Variants in MDN1 observed in about 807,000 individuals in gnomAD.
The protein encoded by MDN1 is midasin.
A neutral mutation model predicts 669.2 loss-of-function variants in MDN1; 266 were observed. That is an observed-to-expected ratio of 0.40 (90% CI 0.36 to 0.44). MDN1 has a LOEUF of 0.44. Among genes scored for constraint, MDN1 ranks in the 20% least tolerant of loss-of-function variants. The pLI is 1.00. For missense variants in MDN1, 5,940 were observed against 6,754.0 expected (o/e 0.88, Z 4.22); for synonymous variants, 2,385 against 2,457.1 (o/e 0.97, Z 0.87).
At chr6:89,748,625 A>C (rs772886792) in intron 26 of MDN1, among the ~76,000 whole-genome samples, 2 of 152,158 alleles carry the variant, frequency 1.3e-5, no homozygotes, top group Non-Finnish European at 2.9e-5. Flanking sequence ...GCCAAATTAC[A>C]TTCTAAACAA....
In MDN1 at chr6:89,677,034, A is replaced by AG. The variant is rs71785927; in HGVS notation, c.12539+535dup. 8.3e-3 allele frequency among the ~76,000 whole-genome samples: 1,246 copies of AG among 150,302 alleles called. 11 individuals carry two copies. Among genetic ancestry groups the AG allele is most frequent in the Non-Finnish European group, 0.014 (976 of 67,450 alleles). ...CAAAAGGCAAAAAAAAAAAAAAAAA[A>AG]GGGAAGAAGAAGAAGAATGGAGAGG... On this transcript the variant is annotated intron_variant, in intron 76 of 101. Coordinates refer to ENST00000369393, the MANE Select transcript of MDN1 (RefSeq NM_014611.3).
In MDN1 at chr6:89,650,167, T is replaced by G. The variant is rs143071985; in HGVS notation, c.16063A>C (p.Ile5355Leu). 276 of 1,614,062 alleles carry G rather than the reference T, an allele frequency of 1.7e-4. No homozygotes were observed. The highest frequency in any genetic ancestry group is 2.2e-4 in the Non-Finnish European group (262 of 1,180,034). The change falls in exon 97 of 102, where the codon ATA becomes CTA. Residue 5355 changes from isoleucine to leucine, a missense_variant. Physicochemically the swap from Ile to Leu is conservative, Grantham distance 5. Around this residue, in one of 5 missense-constraint regions of MDN1, gnomAD observed 2,280 missense variants for 2,576.3 expected, o/e 0.88. Transcript: ENST00000369393. ...GCAATGTATGGAATGACTTTCCGTA[T>G]GTTTAGTCGTTTCCCAGTTCGATAG... ...GDYRTGKRLN[I>L]RKVIPYIASQ...
chr6:89,679,841 G>C (rs1811474450), intron 74 of MDN1, among the ~76,000 whole-genome samples: 1 of 152,202 alleles, frequency 6.6e-6, no homozygotes, highest in African/African-American at 2.4e-5. Flanking sequence ...AGAGGATGAG[G>C]GAGGCTTTGC....
intron 44 of MDN1, among the ~76,000 whole-genome samples, chr6:89,716,295 CCT>C (rs1814364497): frequency 6.6e-6 from 1 of 152,152 alleles, no homozygotes; most frequent in Non-Finnish European, 1.5e-5. Flanking sequence ...AAATGCCTGC[CCT>C]GTGTCAGACC....
chr6:89,794,589 G>T lies in MDN1; in HGVS notation c.542C>A (p.Thr181Asn), dbSNP rs772768732. ...AACAGCTACGCACCAGCGAACCAAG[G>T]TGTCATGGCTTCTGAGGAGAGGGAC... ...VCVPLLRSHD[T>N]LVRWYTANCL... is the part of the protein sequence containing the mutation. The change falls in exon 3 of 102, where the codon ACC becomes AAC. Residue 181 changes from threonine to asparagine, a missense_variant. Thr to Asn is a moderately conservative substitution (Grantham distance 65). Around this residue, in one of 5 missense-constraint regions of MDN1, gnomAD observed 1,203 missense variants for 1,268.9 expected, o/e 0.95. Coordinates refer to ENST00000369393, the MANE Select transcript of MDN1 (RefSeq NM_014611.3). 9 of 1,612,954 alleles carry T rather than the reference G, an allele frequency of 5.6e-6. No homozygotes were observed. The African/African-American group carries it at 1.1e-4, about 19-fold the overall frequency.
chr6:89,815,362 GA>G (rs1768755773), intron 1 of MDN1: 2 of 454,344 alleles, frequency 4.4e-6, no homozygotes, highest in Admixed American at 2.5e-5. Flanking sequence ...AGAGAGTGGT[GA>G]AATGACACTC....
At chr6:89,774,515 C>T in intron 13 of MDN1, 106 bp downstream of exon 13, 1 of 786,052 alleles carries the variant, frequency 1.3e-6, no homozygotes, top group South Asian at 1.5e-5. Context: ...CTACAGATAT[C>T]ACAGTTCAGA....
At chr6:89,726,706 G>A (rs1815263072) in intron 37 of MDN1, among the ~76,000 whole-genome samples, 1 of 152,154 alleles carries the variant, frequency 6.6e-6, no homozygotes, top group South Asian at 2.1e-4. Context: ...GAAAAGAGCT[G>A]AATGTAGGTC....
chr6:89,750,833 G>T (rs1438674545), intron 23 of MDN1, among the ~76,000 whole-genome samples: 4 of 151,998 alleles, frequency 2.6e-5, no homozygotes, highest in African/African-American at 9.7e-5. Flanking sequence ...AAAACCCTGG[G>T]CTCAAGTGAT....
At position 89,650,780 on chromosome 6, in the gene MDN1, C is replaced by A; in HGVS notation, c.15983G>T (p.Cys5328Phe). 1 of 1,614,172 alleles carries A rather than the reference C, an allele frequency of 6.2e-7. No homozygotes were observed. Among genetic ancestry groups the A allele is most frequent in the East Asian group, 2.2e-5 (1 of 44,876 alleles). The change falls in exon 96 of 102, where the codon TGT (cysteine) becomes TTT (phenylalanine). Residue 5328 changes from cysteine (C) to phenylalanine (F), a missense_variant. Physicochemically the swap from Cys to Phe is radical, Grantham distance 205. Transcript: ENST00000369393. ...ILTAPLSQRL[C>F]EELRLILEPT... ...CTCTAATATGAGACGAAGCTCTTCA[C>A]ATAACCGTTGTGAAAGAGGCGCTGT...
chr6:89,758,727 A>T lies in MDN1; in HGVS notation c.2605+89T>A, dbSNP rs1817381658. The T allele has an allele frequency of 1.2e-5, 17 of 1,396,332 alleles. 1 individual carries two copies. The highest frequency in any genetic ancestry group is 1.7e-5 in the Non-Finnish European group (17 of 1,012,952). The allele number at this position is 1,396,332 out of a possible 1,614,324, so 86.5% of individuals were successfully genotyped here. A position where few individuals can be genotyped will look rare whatever the true frequency, so the allele number is the denominator to read the frequency against. ...CAAATTCCATTGGGAGGCCCATGTC[A>T]TCCTTCTAACAACAACAACAAAAAA... is the stretch of plus-strand genomic sequence containing the variant. On this transcript the variant is annotated intron_variant, in intron 18 of 101. Coordinates refer to ENST00000369393, the MANE Select transcript of MDN1 (RefSeq NM_014611.3).
intron 90 of MDN1, 33 bp from the exon 91 acceptor site, chr6:89,656,834 A>T: frequency 6.4e-7 from 1 of 1,574,506 alleles, no homozygotes; most frequent in Non-Finnish European, 8.7e-7. Context: ...GAATGAGGTG[A>T]AAGAAGCTAT....
intron 1 of MDN1, among the ~76,000 whole-genome samples, chr6:89,811,871 T>C (rs1010277835): frequency 3.9e-5 from 6 of 152,200 alleles, no homozygotes; most frequent in Admixed American, 3.3e-4. Context: ...ACCTTTGTAT[T>C]TTCTCACTTC....
chr6:89,678,888 G>T, intron 74 of MDN1, 143 bp from the exon 75 acceptor site: 1 of 808,710 alleles, frequency 1.2e-6, no homozygotes, highest in Non-Finnish European at 1.8e-6. Flanking sequence ...ACTTAACATA[G>T]TCCCTAGCAT....
chr6:89,741,772 C>T (rs1816311144), intron 31 of MDN1, among the ~76,000 whole-genome samples: 1 of 152,152 alleles, frequency 6.6e-6, no homozygotes, highest in Non-Finnish European at 1.5e-5. Context: ...GATTTCAACC[C>T]TGTCCCAACA....
intron 39 of MDN1, 78 bp from the exon 40 acceptor site, chr6:89,723,221 C>A: frequency 7.2e-7 from 1 of 1,383,420 alleles, no homozygotes; most frequent in Non-Finnish European, 1.0e-6. Context: ...GAATGTACTA[C>A]AAAAGCATAT....
chr6:89,685,345 G>C (rs2128307103), intron 70 of MDN1, among the ~76,000 whole-genome samples: 1 of 152,214 alleles, frequency 6.6e-6, no homozygotes, highest in African/African-American at 2.4e-5. Context: ...GGCATATTAA[G>C]CAGTTCACCT....
chr6:89,803,231 TC>T, intron 2 of MDN1, 96 bp downstream of exon 2: 1 of 1,010,948 alleles, frequency 9.9e-7, no homozygotes, highest in Non-Finnish European at 1.5e-6. Flanking sequence ...TTTCTGTATT[TC>T]CGTTTTACCT....
At chr6:89,771,141 C>T (rs1818059921) in intron 15 of MDN1, among the ~76,000 whole-genome samples, 1 of 152,176 alleles carries the variant, frequency 6.6e-6, no homozygotes, top group South Asian at 2.1e-4. Context: ...AAATCTTACT[C>T]AAGGGAGTTT....
Sources: allele counts gnomAD v4.1 joint callset (sites outside exome capture counted in the v4.1 genomes callset), GRCh38; gene constraint gnomAD v4.1.1; regional missense constraint gnomAD v4.1.1; transcripts MANE v1.5; gene names NCBI Gene and HGNC (gene_info 2026-07-23, HGNC 2026-07-21).